Variants in DLGAP2 observed in about 807,000 individuals in gnomAD.
DLGAP2 encodes DLG associated protein 2, also known as disks large-associated protein 2.
In DLGAP2, 26 loss-of-function variants were observed where a neutral mutation model predicts 100.3. The ratio of observed to expected loss-of-function variants is 0.26; its 90% CI spans 0.19 to 0.36. The LOEUF (loss-of-function observed/expected upper bound fraction) is 0.36. Among genes scored for constraint, DLGAP2 ranks in the 10% least tolerant of loss-of-function variants. The pLI, the probability that DLGAP2 is intolerant of heterozygous loss-of-function variation, is 1.00. For synonymous variants in DLGAP2, 886 were observed against 630.1 expected, an observed-to-expected ratio of 1.41 and a Z score of -6.08; for missense variants, 1,858 against 1,453.2, an observed-to-expected ratio of 1.28 and a Z score of -4.53.
intron 2 of DLGAP2, among the ~76,000 whole-genome samples, chr8:1,207,324 A>C (rs946618054): frequency 5.3e-5 from 8 of 152,160 alleles, no homozygotes; most frequent in African/African-American, 1.9e-4. Context: ...GTGAGCACAT[A>C]CAATGTTTGG....
chr8:1,251,258 A>G (rs764386428), intron 2 of DLGAP2, among the ~76,000 whole-genome samples: 31 of 152,298 alleles, frequency 2.0e-4, no homozygotes, highest in East Asian at 5.8e-4. Context: ...AATATTATCA[A>G]TGACTATCTC....
At chr8:1,678,854 G>A (rs879295024) in intron 12 of DLGAP2, 21 of 480,464 alleles carry the variant, frequency 4.4e-5, no homozygotes, top group East Asian at 6.9e-5. Context: ...TGTTTTGTCA[G>A]GTAAGTTGAA....
intron 2 of DLGAP2, among the ~76,000 whole-genome samples, chr8:1,230,259 T>C (rs1346771636): frequency 6.6e-6 from 1 of 152,194 alleles, no homozygotes; most frequent in Admixed American, 6.5e-5. Context: ...GCTATCCTAT[T>C]CTTAATAGCT....
chr8:1,601,945 G>GGTGTGTGTGT (rs55762722), intron 6 of DLGAP2, among the ~76,000 whole-genome samples: 10,040 of 146,240 alleles, frequency 0.069, 369 homozygotes, highest in Non-Finnish European at 0.075. Flanking sequence ...AATTTAACAG[G>GGTGTGTGTGT]GTGTGTGTGT....
At chr8:1,028,216 G>C (rs1801869650) in intron 2 of DLGAP2, among the ~76,000 whole-genome samples, 1 of 134,328 alleles carries the variant, frequency 7.4e-6, no homozygotes, top group Non-Finnish European at 1.6e-5. Flanking sequence ...TCTCCAGGTG[G>C]GGTGTCAGGC....
chr8:1,185,693 A>C (rs1204647417), intron 2 of DLGAP2, among the ~76,000 whole-genome samples: 1 of 139,134 alleles, frequency 7.2e-6, no homozygotes, highest in South Asian at 2.3e-4. Context: ...CTAGCTGTAA[A>C]CACACACACT....
chr8:1,060,015 T>C (rs13272630), intron 2 of DLGAP2, among the ~76,000 whole-genome samples: 94,830 of 151,978 alleles, frequency 0.62, 29,604 homozygotes, highest in African/African-American at 0.67. Flanking sequence ...AAGTGGTCGC[T>C]GGGATGGCTG....
chr8:1,376,138 A>C (rs1448357483), intron 3 of DLGAP2, among the ~76,000 whole-genome samples: 1 of 150,924 alleles, frequency 6.6e-6, no homozygotes, highest in Admixed American at 6.6e-5. Context: ...CCCACCTCCT[A>C]CATTTGGGCT....
intron 3 of DLGAP2, among the ~76,000 whole-genome samples, chr8:1,289,807 A>C (rs544726605): frequency 6.6e-6 from 1 of 152,350 alleles, no homozygotes; most frequent in East Asian, 1.9e-4. Flanking sequence ...GAGGAGGAGA[A>C]CCTGCTCATG....
chr8:1,358,576 CTT>C (rs1195588071), intron 3 of DLGAP2, among the ~76,000 whole-genome samples: 1 of 152,182 alleles, frequency 6.6e-6, no homozygotes, highest in African/African-American at 2.4e-5. Flanking sequence ...TTCAATAAAA[CTT>C]AGTGCAAGAA....
chr8:1,340,692 A>G (rs1160989908), intron 3 of DLGAP2, among the ~76,000 whole-genome samples: 1 of 152,204 alleles, frequency 6.6e-6, no homozygotes, highest in Non-Finnish European at 1.5e-5. Context: ...AGACCTAAAG[A>G]CAAACACCAT....
At chr8:1,568,634 G>A (rs1443762125) in intron 6 of DLGAP2, among the ~76,000 whole-genome samples, 33 of 79,678 alleles carry the variant, frequency 4.1e-4, no homozygotes, top group Admixed American at 1.1e-3. Context: ...ACACAAATCC[G>A]TCTCTGCCCG....
intron 1 of DLGAP2, among the ~76,000 whole-genome samples, chr8:884,461 C>T (rs1440147071): frequency 1.3e-5 from 2 of 150,418 alleles, no homozygotes; most frequent in East Asian, 1.9e-4. Flanking sequence ...CTGTTCATAT[C>T]TTTTGCCCAC....
intron 2 of DLGAP2, among the ~76,000 whole-genome samples, chr8:1,001,002 C>G (rs995106540): frequency 6.6e-6 from 1 of 152,182 alleles, no homozygotes; most frequent in Non-Finnish European, 1.5e-5. Context: ...TTCGCTGTGC[C>G]ATTTAAAATC....
chr8:1,517,455 C>G (rs974187500), intron 4 of DLGAP2, among the ~76,000 whole-genome samples: 2 of 152,140 alleles, frequency 1.3e-5, no homozygotes, highest in Middle Eastern at 6.3e-3. Context: ...TTTCCCCACC[C>G]CCTGCTCCAC....
At chr8:770,796 C>G (rs993717607) in intron 1 of DLGAP2, among the ~76,000 whole-genome samples, 4 of 152,124 alleles carry the variant, frequency 2.6e-5, no homozygotes, top group African/African-American at 9.7e-5. Context: ...ATATACTGAC[C>G]TGTATTTCTG....
At chr8:1,602,604 G>A (rs1796664188) in intron 6 of DLGAP2, among the ~76,000 whole-genome samples, 1 of 152,236 alleles carries the variant, frequency 6.6e-6, no homozygotes, top group Non-Finnish European at 1.5e-5. Flanking sequence ...GCAATGATGA[G>A]ATGGCACCAG....
chr8:878,854 C>T (rs1797731547), intron 1 of DLGAP2, among the ~76,000 whole-genome samples: 1 of 152,180 alleles, frequency 6.6e-6, no homozygotes, highest in Admixed American at 6.5e-5. Flanking sequence ...CCATGGGCAC[C>T]ATGCTCTTGG....
chr8:1,600,767 A>G (rs1349441228), intron 6 of DLGAP2, among the ~76,000 whole-genome samples: 2 of 152,140 alleles, frequency 1.3e-5, no homozygotes, highest in Admixed American at 1.3e-4. Context: ...CTAGTTAGCA[A>G]TTCCTGTAAC....
Sources: allele counts gnomAD v4.1 joint callset (sites outside exome capture counted in the v4.1 genomes callset), GRCh38; gene constraint gnomAD v4.1.1; transcripts MANE v1.5; gene names NCBI Gene and HGNC (gene_info 2026-07-23, HGNC 2026-07-21).